The following ATP8A1 variants were observed in gnomAD, a reference collection of about 807,000 sequenced individuals.
ATP8A1 encodes ATPase phospholipid transporting 8A1.
In ATP8A1, 90 loss-of-function variants were observed where a neutral mutation model predicts 177.7. The observed-to-expected ratio is 0.51, with a 90% CI of 0.43 to 0.60. The LOEUF is 0.60. Among genes scored for constraint, ATP8A1 ranks in the 20% least tolerant of loss-of-function variants. ATP8A1 has a pLI of 0.00. For missense variants in ATP8A1, 1,072 were observed against 1,392.8 expected (o/e 0.77, Z 3.67); for synonymous variants, 493 against 485.9 (o/e 1.01, Z -0.19).
intron 5 of ATP8A1, among the ~76,000 whole-genome samples, chr4:42,607,412 C>A (rs1735901984): frequency 6.6e-6 from 1 of 152,182 alleles, no homozygotes; most frequent in Non-Finnish European, 1.5e-5. Context: ...TCTTTTAGAA[C>A]TGGTTCTTAA....
chr4:42,466,180 CAGTT>C (rs574270993), intron 25 of ATP8A1, among the ~76,000 whole-genome samples: 48 of 151,426 alleles, frequency 3.2e-4, no homozygotes, highest in African/African-American at 1.1e-3. Flanking sequence ...TTCTAACAAA[CAGTT>C]AAGCTAATAA....
intron 11 of ATP8A1, 30 bp from the exon 12 acceptor site, chr4:42,578,417 T>C (rs200997614): frequency 2.4e-5 from 39 of 1,603,124 alleles, no homozygotes; most frequent in Non-Finnish European, 3.3e-5. Context: ...GAACGTCATT[T>C]ACAGTTTTAT....
intron 27 of ATP8A1, among the ~76,000 whole-genome samples, chr4:42,463,072 G>A (rs1044441497): frequency 2.0e-5 from 3 of 152,188 alleles, no homozygotes; most frequent in African/African-American, 4.8e-5. Context: ...AGGCGGAAGG[G>A]ACTTGCCTTG....
intron 25 of ATP8A1, among the ~76,000 whole-genome samples, chr4:42,476,610 TTA>T (rs1491381318): frequency 6.9e-5 from 10 of 144,222 alleles, no homozygotes; most frequent in African/African-American, 2.5e-4. Context: ...CAGGGTGAGA[TTA>T]AAAAAAAAAA....
intron 16 of ATP8A1, among the ~76,000 whole-genome samples, chr4:42,554,663 T>C (rs1015764974): frequency 6.6e-6 from 1 of 152,124 alleles, no homozygotes; most frequent in Admixed American, 6.5e-5. Flanking sequence ...TGAGAAAAAG[T>C]TCCGGGGTTT....
At chr4:42,503,558 A>T (rs765562797) in intron 23 of ATP8A1, 44 bp from the exon 24 acceptor site, 20 of 1,286,090 alleles carry the variant, frequency 1.6e-5, no homozygotes, top group Non-Finnish European at 2.2e-5. Flanking sequence ...TTCTCCAGAG[A>T]ATATGTAAAG....
intron 33 of ATP8A1, among the ~76,000 whole-genome samples, chr4:42,442,074 C>A (rs1003115156): frequency 6.6e-6 from 1 of 152,194 alleles, no homozygotes; most frequent in Non-Finnish European, 1.5e-5. Flanking sequence ...AAAAGCCAGT[C>A]AAACTTCACA....
At chr4:42,574,429 T>C (rs1732206797) in intron 14 of ATP8A1, among the ~76,000 whole-genome samples, 190 bp downstream of exon 14, 1 of 152,060 alleles carries the variant, frequency 6.6e-6, no homozygotes. Flanking sequence ...CCTCATGTCA[T>C]CCCAAATGAA....
At chr4:42,480,590 T>A (rs972434047) in intron 25 of ATP8A1, among the ~76,000 whole-genome samples, 1 of 152,204 alleles carries the variant, frequency 6.6e-6, no homozygotes, top group African/African-American at 2.4e-5. Context: ...AACATATATT[T>A]AGAGAAATTC....
At chr4:42,566,738 T>C (rs936375825) in intron 15 of ATP8A1, among the ~76,000 whole-genome samples, 1 of 152,336 alleles carries the variant, frequency 6.6e-6, no homozygotes, top group African/African-American at 2.4e-5. Context: ...TTAGAGTCCA[T>C]AGGATGTAAT....
At chr4:42,600,786 T>C (rs1216173419) in intron 5 of ATP8A1, among the ~76,000 whole-genome samples, 7 of 152,132 alleles carry the variant, frequency 4.6e-5, no homozygotes, top group Admixed American at 4.6e-4. Flanking sequence ...AGAGGAACTA[T>C]GGGGCTCAGC....
In ATP8A1 at chr4:42,412,767, A is replaced by G. The variant is rs1187052008; in HGVS notation, c.*149T>C. The G allele has an allele frequency of 1.6e-6, 1 of 629,538 alleles. No individual in the cohort carries two copies. Among genetic ancestry groups the G allele is most frequent in the African/African-American group, 1.8e-5 (1 of 54,272 alleles). The allele number at this position is 629,538 out of a possible 1,614,324, so 39.0% of individuals were successfully genotyped here. Reference sequence around the variant, plus strand: ...GTTGCACAGTGCTTATGTCTATAATATACATGAATCTGAATGTCCATCAGC... The same window carrying G: ...GTTGCACAGTGCTTATGTCTATAATGTACATGAATCTGAATGTCCATCAGC... On this transcript the variant is annotated 3_prime_UTR_variant, in exon 37 of 37. Coordinates refer to ENST00000381668, the MANE Select transcript of ATP8A1 (RefSeq NM_006095.2).
intron 1 of ATP8A1, among the ~76,000 whole-genome samples, chr4:42,653,759 T>C (rs1286092178): frequency 6.6e-6 from 1 of 152,228 alleles, no homozygotes; most frequent in Non-Finnish European, 1.5e-5. Flanking sequence ...TATTCGGTCC[T>C]GTGTCCAAAT....
chr4:42,563,040 C>G lies in ATP8A1; in HGVS notation c.1340+6121G>C, dbSNP rs569823243. Among the ~76,000 whole-genome samples, 3 of 152,240 alleles carry G rather than the reference C, an allele frequency of 2.0e-5. No homozygotes were observed. In the South Asian group the frequency reaches 6.2e-4, roughly 32 times the overall value. On this transcript the variant is annotated intron_variant, in intron 15 of 36. Transcript: ENST00000381668. Reference sequence around the variant, plus strand: ...AAGATACCCGAAAATGTGGAAGCCACTTTGGAATTGGGTAATAGGCAGAGG... The same window carrying G: ...AAGATACCCGAAAATGTGGAAGCCAGTTTGGAATTGGGTAATAGGCAGAGG...
Position 42,613,453 on chromosome 4 carries a change from C to T in ATP8A1, c.409+2580G>A, listed in dbSNP as rs528472262. On this transcript the variant is annotated intron_variant, in intron 5 of 36. Transcript: ENST00000381668. ...GTATTTGCATATAACCTATGCATGT[C>T]CTTTCATATACTTTAAATCATCTCT... 3.3e-5 allele frequency among the ~76,000 whole-genome samples: 5 copies of T among 152,178 alleles called. 1 individual carries two copies. The East Asian group carries it at 9.6e-4, about 29-fold the overall frequency.
chr4:42,551,894 A>T (rs1470164915), intron 17 of ATP8A1, among the ~76,000 whole-genome samples: 1 of 152,176 alleles, frequency 6.6e-6, no homozygotes, highest in Non-Finnish European at 1.5e-5. Flanking sequence ...CTTAGAATGC[A>T]GTTTAAAACA....
intron 12 of ATP8A1, among the ~76,000 whole-genome samples, chr4:42,577,444 T>C (rs964820704): frequency 1.3e-5 from 2 of 152,146 alleles, no homozygotes; most frequent in Admixed American, 1.3e-4. Context: ...GTTACAAAAG[T>C]ATGTCATATT....
At chr4:42,545,550 A>T (rs1360375989) in intron 19 of ATP8A1, among the ~76,000 whole-genome samples, 2 of 152,244 alleles carry the variant, frequency 1.3e-5, no homozygotes, top group African/African-American at 2.4e-5. Context: ...AACCCAGCAC[A>T]TTCCAACAAG....
At chr4:42,479,765 A>C (rs939504982) in intron 25 of ATP8A1, among the ~76,000 whole-genome samples, 1 of 152,162 alleles carries the variant, frequency 6.6e-6, no homozygotes, top group African/African-American at 2.4e-5. Flanking sequence ...TATGAAACAA[A>C]ACAGTAAAAT....
Sources: gnomAD v4.1 joint callset for allele counts (sites outside exome capture counted in the v4.1 genomes callset) on GRCh38, gnomAD v4.1.1 for gene constraint, MANE v1.5 for transcripts, NCBI Gene and HGNC (gene_info 2026-07-23, HGNC 2026-07-21) for gene names.